Variants in GPR55 observed in about 807,000 individuals in gnomAD.
GPR55 encodes the protein G protein-coupled receptor 55.
A neutral mutation model predicts 7.9 loss-of-function variants in GPR55; 6 were observed. The ratio of observed to expected loss-of-function variants is 0.76; its 90% CI spans 0.41 to 1.49. The LOEUF (loss-of-function observed/expected upper bound fraction) is 1.49. GPR55 is among the 40% of genes most tolerant of loss of function. The probability of loss-of-function intolerance (pLI) is 0.01; values close to 1 mark genes in which losing one functional copy is unlikely to be tolerated. For synonymous variants in GPR55, 183 were observed against 166.8 expected (o/e 1.10, Z -0.75); for missense variants, 376 against 406.0 (o/e 0.93, Z 0.63).
chr2:230,960,030 T>C (rs961089912), intron 1 of GPR55, among the ~76,000 whole-genome samples: 1 of 152,218 alleles, frequency 6.6e-6, no homozygotes, highest in Admixed American at 6.5e-5. Flanking sequence ...GACCCACCAG[T>C]ACATGCCTGG....
chr2:230,960,029 G>A (rs1054326404), intron 1 of GPR55, among the ~76,000 whole-genome samples: 1 of 152,198 alleles, frequency 6.6e-6, no homozygotes, highest in Non-Finnish European at 1.5e-5. Context: ...AGACCCACCA[G>A]TACATGCCTG....
intron 1 of GPR55, among the ~76,000 whole-genome samples, chr2:230,942,921 CAG>C (rs1393209522): frequency 6.6e-6 from 1 of 151,986 alleles, no homozygotes; most frequent in Admixed American, 6.5e-5. Context: ...TGCCAATGAA[CAG>C]AGTGAGAGCA....
intron 1 of GPR55, among the ~76,000 whole-genome samples, chr2:230,951,940 A>AT (rs1275763360): frequency 2.1e-5 from 3 of 142,898 alleles, no homozygotes; most frequent in East Asian, 2.1e-4. Flanking sequence ...TTTTTTTTTA[A>AT]TTTTTTTGCA....
intron 1 of GPR55, among the ~76,000 whole-genome samples, chr2:230,943,717 G>A (rs1691270260): frequency 6.7e-6 from 1 of 150,114 alleles, no homozygotes; most frequent in African/African-American, 2.5e-5. Flanking sequence ...CCTCCCCTTG[G>A]TGCTGTCCTC....
chr2:230,946,986 G>A (rs1222617012), intron 1 of GPR55, among the ~76,000 whole-genome samples: 1 of 152,180 alleles, frequency 6.6e-6, no homozygotes, highest in Non-Finnish European at 1.5e-5. Context: ...AATTGGCATA[G>A]GTTCATGCTG....
chr2:230,908,537 C>A lies in GPR55; in HGVS notation c.*1466G>T, dbSNP rs1397075672. The A allele has an allele frequency of 6.4e-6, 1 of 156,132 alleles. No individual in the cohort carries two copies. The allele number at this position is 156,132 out of a possible 1,614,324, so 9.7% of individuals were successfully genotyped here. ...CTCTTCCTCTTCCTCCTCCTCCTCC[C>A]CACAGGTCCAGGTTTATCCAAATGC... On this transcript the variant is annotated 3_prime_UTR_variant, in exon 2 of 2. Transcript: ENST00000650999.
chr2:230,952,062 A>G (rs6758759), intron 1 of GPR55, among the ~76,000 whole-genome samples: 56,759 of 151,850 alleles, frequency 0.37, 11,464 homozygotes, highest in African/African-American at 0.52. Context: ...CACCACATCC[A>G]GCAAGAGAAG....
chr2:230,952,869 A>C (rs1010206054), intron 1 of GPR55, among the ~76,000 whole-genome samples: 1 of 152,076 alleles, frequency 6.6e-6, no homozygotes, highest in Admixed American at 6.5e-5. Context: ...AAGCCTCTGC[A>C]TGGTGGCCCA....
chr2:230,918,366 G>A (rs1287937350), intron 1 of GPR55, among the ~76,000 whole-genome samples: 2 of 152,030 alleles, frequency 1.3e-5, no homozygotes, highest in African/African-American at 4.8e-5. Flanking sequence ...TGATTTGGGG[G>A]CAAAAAATAA....
chr2:230,907,414 C>T lies in GPR55; in HGVS notation c.*2589G>A, dbSNP rs1690473914. 1 of 152,296 alleles carries T rather than the reference C, an allele frequency of 6.6e-6. No individual in the cohort carries two copies. The highest frequency in any genetic ancestry group is 2.4e-5 in the African/African-American group (1 of 41,452). 9.4% of individuals were successfully genotyped at this position (152,296 alleles called of 1,614,324 possible). ...GTCCGCCCCTCCTGTGCTGCTGGGCCCCACTGCTGATTATGGGCCAGCTTG... is the reference window on the plus strand; with the variant it reads ...GTCCGCCCCTCCTGTGCTGCTGGGCTCCACTGCTGATTATGGGCCAGCTTG... On this transcript the variant is annotated 3_prime_UTR_variant, in exon 2 of 2. Transcript: ENST00000650999.
At chr2:230,927,046 A>AAAATTTTT (rs1163509550), upstream of GPR55, among the ~76,000 whole-genome samples, 1 of 152,188 alleles carries the variant, frequency 6.6e-6, no homozygotes, top group African/African-American at 2.4e-5. Flanking sequence ...TTGCAATATT[A>AAAATTTTT]AAATTTTTAA....
chr2:230,925,570 C>T (rs1249381085), upstream of GPR55, among the ~76,000 whole-genome samples: 1 of 152,196 alleles, frequency 6.6e-6, no homozygotes, highest in Admixed American at 6.5e-5. Flanking sequence ...CTCCTACGCA[C>T]CCCAGACACC....
At chr2:230,949,429 TG>T (rs1226412777) in intron 1 of GPR55, among the ~76,000 whole-genome samples, 2 of 152,238 alleles carry the variant, frequency 1.3e-5, no homozygotes, top group Non-Finnish European at 2.9e-5. Context: ...CCCAATGTGC[TG>T]AGATCACAGG....
intron 1 of GPR55, among the ~76,000 whole-genome samples, chr2:230,947,394 A>C (rs1691335318): frequency 6.6e-6 from 1 of 152,142 alleles, no homozygotes; most frequent in African/African-American, 2.4e-5. Context: ...GATTGCATCT[A>C]AGTTGCAAGG....
intron 1 of GPR55, among the ~76,000 whole-genome samples, chr2:230,935,688 T>C (rs182970338): frequency 4.3e-4 from 65 of 152,346 alleles, no homozygotes; most frequent in Non-Finnish European, 2.9e-5. Context: ...GGGTTCCATT[T>C]TGGACCGGAG....
In GPR55 at chr2:230,909,830, G is replaced by C. The variant is rs1159425165; in HGVS notation, c.*173C>G. 7 of 663,744 alleles carry C rather than the reference G, an allele frequency of 1.1e-5. No individual in the cohort carries two copies. The highest frequency in any genetic ancestry group is 1.8e-5 in the Non-Finnish European group (7 of 388,744). 41.1% of individuals were successfully genotyped at this position (663,744 alleles called of 1,614,324 possible). Reference sequence around the variant, plus strand: ...GGTGGTATAAGCTGTCTGGGCAGTGGAAAAAAGGTCTTTGGGGTATAATGA... The same window carrying C: ...GGTGGTATAAGCTGTCTGGGCAGTGCAAAAAAGGTCTTTGGGGTATAATGA... On this transcript the variant is annotated 3_prime_UTR_variant, in exon 2 of 2. Transcript: ENST00000650999.
At position 230,958,575 on chromosome 2, in the gene GPR55, A is replaced by G. The variant is rs541609297; in HGVS notation, c.-135+2200T>C. 1.4e-4 allele frequency among the ~76,000 whole-genome samples: 21 copies of G among 151,984 alleles called. No homozygotes were observed. The South Asian group carries it at 3.8e-3, about 27-fold the overall frequency. On this transcript the variant is annotated intron_variant, in intron 1 of 1. Coordinates refer to the GPR55 transcript ENST00000392039. ...TGCAACCACCACCACTCCCCTTCCC[A>G]CACTCTGGTAACCATCCTAACTGTC...
At chr2:230,947,880 C>A (rs1206993794) in intron 1 of GPR55, among the ~76,000 whole-genome samples, 1 of 152,108 alleles carries the variant, frequency 6.6e-6, no homozygotes, top group African/African-American at 2.4e-5. Flanking sequence ...ATAGCCTGCA[C>A]CCAGCTACAG....
At position 230,907,767 on chromosome 2, in the gene GPR55, T is replaced by C. The variant is rs1690486828; in HGVS notation, c.*2236A>G. ...CCTTTCTGTCACCTGGAGAGAGTCA[T>C]GCTGCACATAGATAAGATTTTATGT... On this transcript the variant is annotated 3_prime_UTR_variant, in exon 2 of 2. Transcript: ENST00000650999. The C allele has an allele frequency of 6.6e-6, 1 of 152,254 alleles. No individual in the cohort carries two copies. Among genetic ancestry groups the C allele is most frequent in the Admixed American group, 6.5e-5 (1 of 15,280 alleles). 9.4% of individuals were successfully genotyped at this position (152,254 alleles called of 1,614,324 possible).
Sources: gnomAD v4.1 joint callset for allele counts (sites outside exome capture counted in the v4.1 genomes callset) on GRCh38, gnomAD v4.1.1 for gene constraint, MANE v1.5 for transcripts, NCBI Gene and HGNC (gene_info 2026-07-23, HGNC 2026-07-21) for gene names.